DNAH10: variants seen among roughly 807,000 people sequenced by gnomAD.
DNAH10 encodes the protein axonemal beta dynein heavy chain 10.
DNAH10 carries 348 observed loss-of-function variants against 506.6 expected under a neutral mutation model. The observed-to-expected ratio is 0.69, with a 90% confidence interval of 0.63 to 0.75. The LOEUF (loss-of-function observed/expected upper bound fraction) is 0.75. Among genes scored for constraint, DNAH10 ranks in the 30% least tolerant of loss-of-function variants. The pLI, the probability that DNAH10 is intolerant of heterozygous loss-of-function variation, is 0.00. For missense variants in DNAH10, 5,179 were observed against 5,787.1 expected, an observed-to-expected ratio of 0.89 and a Z score of 3.41; for synonymous variants, 2,059 against 2,198.6, an observed-to-expected ratio of 0.94 and a Z score of 1.78.
chr12:123,893,670 C>T (rs565396984), intron 53 of DNAH10, among the ~76,000 whole-genome samples: 66 of 152,332 alleles, frequency 4.3e-4, no homozygotes, highest in African/African-American at 1.5e-3. Flanking sequence ...ATGCGAGGCC[C>T]GCAGTGCATG....
At position 123,902,814 on chromosome 12, in the gene DNAH10, A is replaced by G. The variant is rs1446723732; in HGVS notation, c.9641-125A>G. 1.1e-5 allele frequency: 14 copies of G among 1,250,320 alleles called. No homozygotes were observed. In the East Asian group the frequency reaches 3.6e-4, roughly 32 times the overall value. 77.5% of individuals were successfully genotyped at this position (1,250,320 alleles called of 1,614,324 possible). On this transcript the variant is annotated intron_variant, in intron 56 of 78. Coordinates refer to ENST00000673944, the MANE Select transcript of DNAH10 (RefSeq NM_001372106.1). This position sits in a 1 kb window ranked among gnomAD's most constrained non-coding sequence, Gnocchi z 4.5. The stretch of plus-strand genomic sequence containing the variant: ...GATCACTGAGGCTGCCACATTGGCC[A>G]GAGCCCCTTAGATCCCCGCTAGGGC...
At chr12:123,826,465 C>G (rs1260344496) in intron 24 of DNAH10, among the ~76,000 whole-genome samples, 1 of 152,210 alleles carries the variant, frequency 6.6e-6, no homozygotes, top group Admixed American at 6.5e-5. Flanking sequence ...CACACATCCT[C>G]AGATACAGCA....
intron 66 of DNAH10, 197 bp from the exon 67 acceptor site, chr12:123,924,081 G>A: frequency 1.3e-6 from 1 of 793,390 alleles, no homozygotes; most frequent in South Asian, 1.9e-5. Flanking sequence ...GGGCCATCCT[G>A]AGGCTGGAAG....
intron 62 of DNAH10, among the ~76,000 whole-genome samples, chr12:123,915,424 ATATT>A (rs1316271054): frequency 6.6e-6 from 1 of 152,186 alleles, no homozygotes; most frequent in African/African-American, 2.4e-5. Flanking sequence ...GAGTTTTAGT[ATATT>A]TACAGAGTTG....
At position 123,852,828 on chromosome 12, in the gene DNAH10, C is replaced by T. The variant is rs148278938; in HGVS notation, c.6292-378C>T. On this transcript the variant is annotated intron_variant, in intron 35 of 78. Coordinates refer to ENST00000673944, the MANE Select transcript of DNAH10 (RefSeq NM_001372106.1). ...ACCTCAGGTGATCCACCCACCTTGG[C>T]GTCCCAAAGTGCTGGGATTACAGGC... Among the ~76,000 whole-genome samples, 527 of 152,296 alleles carry T rather than the reference C, an allele frequency of 3.5e-3. 2 individuals are homozygous for T. The highest frequency in any genetic ancestry group is 0.012 in the African/African-American group (494 of 41,562).
At chr12:123,854,569 C>T (rs550217753) in intron 36 of DNAH10, among the ~76,000 whole-genome samples, 1 of 152,300 alleles carries the variant, frequency 6.6e-6, no homozygotes, top group South Asian at 2.1e-4. Flanking sequence ...TACCGAATAT[C>T]CAAGGACTTC....
chr12:123,784,039 A>C lies in DNAH10; in HGVS notation c.1092A>C (p.Arg364Ser). 1 of 1,614,220 alleles carries C rather than the reference A, an allele frequency of 6.2e-7. No homozygotes were observed. Among genetic ancestry groups the C allele is most frequent in the East Asian group, 2.2e-5 (1 of 44,878 alleles). The change falls in exon 8 of 79, where the codon AGA becomes AGC. Residue 364 changes from arginine (R) to serine (S), a missense_variant. Arg to Ser is a moderately radical substitution (Grantham distance 110). This residue lies in a region of DNAH10 where 4,844 missense variants were observed against 5,430.5 expected (regional missense o/e 0.89). Coordinates refer to ENST00000673944, the MANE Select transcript of DNAH10 (RefSeq NM_001372106.1). ...LHEQTKLPIV[R>S]KVLDVIKESD... ...AACAAACAAAGCTTCCAATAGTCAG[A>C]AAAGTCTTGGATGTGATCAAGGAAT...
At chr12:123,893,838 C>G (rs937404293) in intron 53 of DNAH10, among the ~76,000 whole-genome samples, 1 of 152,066 alleles carries the variant, frequency 6.6e-6, no homozygotes, top group Non-Finnish European at 1.5e-5. Flanking sequence ...ATCACAGCCC[C>G]GGGGAGCATG....
chr12:123,933,630 G>C, intron 77 of DNAH10, 119 bp downstream of exon 77: 1 of 1,171,314 alleles, frequency 8.5e-7, no homozygotes, highest in East Asian at 2.6e-5. Context: ...ATGTTTGAAA[G>C]CCAGCCTGCT....
chr12:123,789,374 CTT>C (rs1398952567), intron 10 of DNAH10, among the ~76,000 whole-genome samples: 3 of 150,724 alleles, frequency 2.0e-5, no homozygotes, highest in African/African-American at 7.4e-5. Flanking sequence ...CATCTCACCT[CTT>C]TGTGTGTGTG....
intron 43 of DNAH10, 129 bp downstream of exon 43, chr12:123,868,248 A>G: frequency 1.2e-6 from 1 of 850,834 alleles, no homozygotes; most frequent in South Asian, 1.8e-5. Flanking sequence ...TTAGAGAAAC[A>G]TGCAATGGTC....
At chr12:123,856,620 C>G (rs140815306) in intron 36 of DNAH10, among the ~76,000 whole-genome samples, 53 of 150,966 alleles carry the variant, frequency 3.5e-4, no homozygotes, top group Non-Finnish European at 6.6e-4. Flanking sequence ...GCATGAGCCA[C>G]TGCACCCGGC....
At chr12:123,852,950 T>G (rs1233772939) in intron 35 of DNAH10, among the ~76,000 whole-genome samples, 1 of 150,678 alleles carries the variant, frequency 6.6e-6, no homozygotes. Context: ...CTACAGATGG[T>G]TCTGTTCTTT....
chr12:123,796,543 T>G, intron 12 of DNAH10, 113 bp from the exon 13 acceptor site: 1 of 911,670 alleles, frequency 1.1e-6, no homozygotes, highest in Non-Finnish European at 1.6e-6. Flanking sequence ...ATTCTGCATC[T>G]TAGAATATTT....
chr12:123,827,246 C>T (rs2136466163), intron 25 of DNAH10, among the ~76,000 whole-genome samples: 1 of 152,248 alleles, frequency 6.6e-6, no homozygotes, highest in East Asian at 1.9e-4. Flanking sequence ...AGTTTTTTAG[C>T]TGCTACAGTA....
At chr12:123,848,689 A>G (rs1222054462) in intron 33 of DNAH10, 41 bp from the exon 34 acceptor site, 1 of 1,609,560 alleles carries the variant, frequency 6.2e-7, no homozygotes, top group Admixed American at 1.7e-5. Flanking sequence ...GCAGTTTTAA[A>G]GATGAAAATT....
intron 48 of DNAH10, among the ~76,000 whole-genome samples, chr12:123,878,353 A>G (rs1040753973): frequency 2.0e-5 from 3 of 152,202 alleles, no homozygotes; most frequent in African/African-American, 7.2e-5. Flanking sequence ...CTTTACATGA[A>G]TGTCTACTTT....
At position 123,787,738 on chromosome 12, in the gene DNAH10, C is replaced by CCGGGGAGTG. The variant is rs559230848; in HGVS notation, c.1422-62_1422-54dup. 213 of 1,558,042 alleles carry CCGGGGAGTG rather than the reference C, an allele frequency of 1.4e-4. No individual in the cohort carries two copies. In the East Asian group the frequency reaches 4.0e-3, roughly 30 times the overall value. On this transcript the variant is annotated intron_variant, in intron 9 of 78. Coordinates refer to ENST00000673944, the MANE Select transcript of DNAH10 (RefSeq NM_001372106.1). The surrounding 1 kb of genome is among the most constrained non-coding windows in gnomAD (Gnocchi z 4.6). ...GCTTCACGGGACACTGGCTCCCCAG[C>CCGGGGAGTG]CGGGGAGTGCGGCTCGGACCCGGAG...
chr12:123,783,137 G>T lies in DNAH10; in HGVS notation c.872G>T (p.Ser291Ile), dbSNP rs913773410. 22 of 1,614,200 alleles carry T rather than the reference G, an allele frequency of 1.4e-5. No individual in the cohort carries two copies. Among genetic ancestry groups the T allele is most frequent in the Non-Finnish European group, 1.9e-5 (22 of 1,180,030 alleles). ...ATCAAGTTAGAAATGCCAATCATCA[G>T]TGTGGAGGGAGAGGTGTCTGACCTG... ...GEIKLEMPIISVEGEVSDLAA... is the reference protein window; with the variant it reads ...GEIKLEMPIIIVEGEVSDLAA... Residue 291 changes from serine (S) to isoleucine (I), a missense_variant, in exon 7 of 79, where the codon AGT becomes ATT. By Grantham distance (142) the Ser-to-Ile change is moderately radical. Around this residue, in one of 3 missense-constraint regions of DNAH10, gnomAD observed 4,844 missense variants for 5,430.5 expected, o/e 0.89. Coordinates refer to ENST00000673944, the MANE Select transcript of DNAH10 (RefSeq NM_001372106.1).
Sources: allele counts gnomAD v4.1 joint callset (sites outside exome capture counted in the v4.1 genomes callset), GRCh38; gene constraint gnomAD v4.1.1; regional missense constraint gnomAD v4.1.1; non-coding constraint Gnocchi (gnomAD v3.1); transcripts MANE v1.5; gene names NCBI Gene and HGNC (gene_info 2026-07-23, HGNC 2026-07-21).